EFCAB6: variants seen among roughly 807,000 people sequenced by gnomAD.
EFCAB6 encodes EF-hand calcium-binding domain-containing protein 6.
Under a neutral mutation model 169.8 loss-of-function variants are expected in EFCAB6, and 156 were observed. The ratio of observed to expected loss-of-function variants is 0.92; its 90% CI spans 0.81 to 1.05. The LOEUF (loss-of-function observed/expected upper bound fraction) is 1.05. EFCAB6 is among the 50% of genes least tolerant of loss of function. EFCAB6 has a pLI of 0.00. For synonymous variants in EFCAB6, 698 were observed against 676.4 expected (o/e 1.03, Z -0.50); for missense variants, 1,800 against 1,829.1 (o/e 0.98, Z 0.29).
chr22:43,559,183 C>T (rs189408450), intron 26 of EFCAB6, among the ~76,000 whole-genome samples: 3 of 152,220 alleles, frequency 2.0e-5, no homozygotes, highest in Admixed American at 2.0e-4. Context: ...AAAACAACCC[C>T]ATCAAAAAGT....
At chr22:43,538,652 G>A (rs2047525210) in intron 28 of EFCAB6, among the ~76,000 whole-genome samples, 1 of 152,174 alleles carries the variant, frequency 6.6e-6, no homozygotes, top group Non-Finnish European at 1.5e-5. Flanking sequence ...TTCCCAAAGT[G>A]CTGGGAGTAC....
At chr22:43,715,757 G>C (rs1485117794) in intron 9 of EFCAB6, among the ~76,000 whole-genome samples, 2 of 151,956 alleles carry the variant, frequency 1.3e-5, no homozygotes, top group Non-Finnish European at 2.9e-5. Flanking sequence ...TTTTGCAATG[G>C]TCATGTTTTT....
chr22:43,713,708 G>A (rs1045205900), intron 9 of EFCAB6, among the ~76,000 whole-genome samples: 4 of 152,118 alleles, frequency 2.6e-5, no homozygotes, highest in African/African-American at 9.7e-5. Flanking sequence ...GTTTGGGTTG[G>A]CATAAAACAG....
At chr22:43,714,586 G>A (rs1357604230) in intron 9 of EFCAB6, among the ~76,000 whole-genome samples, 2 of 151,204 alleles carry the variant, frequency 1.3e-5, no homozygotes, top group African/African-American at 4.8e-5. Context: ...CTACAAGGGG[G>A]AAAGAATTCC....
intron 18 of EFCAB6, among the ~76,000 whole-genome samples, chr22:43,633,245 C>A (rs962750389): frequency 5.3e-5 from 8 of 152,150 alleles, no homozygotes; most frequent in Admixed American, 2.6e-4. Context: ...GGAAGTGTAA[C>A]CTCTCCTTAA....
At chr22:43,793,474 CAAA>C (rs2062384600) in intron 2 of EFCAB6, among the ~76,000 whole-genome samples, 1 of 152,222 alleles carries the variant, frequency 6.6e-6, no homozygotes. Context: ...CATTATTCAG[CAAA>C]CACTGTAGGC....
chr22:43,560,847 C>T (rs761190074), intron 26 of EFCAB6, among the ~76,000 whole-genome samples: 19 of 152,162 alleles, frequency 1.2e-4, no homozygotes, highest in Non-Finnish European at 2.4e-4. Context: ...GCTGCAGCCA[C>T]GGTCCAGGTC....
chr22:43,660,229 T>C (rs1454577937), intron 17 of EFCAB6, among the ~76,000 whole-genome samples: 2 of 152,228 alleles, frequency 1.3e-5, no homozygotes, highest in Non-Finnish European at 2.9e-5. Flanking sequence ...AGCCCATGTG[T>C]CGTTGGGTAT....
intron 15 of EFCAB6, 148 bp downstream of exon 15, chr22:43,671,825 T>C: frequency 1.1e-6 from 1 of 894,700 alleles, no homozygotes; most frequent in Non-Finnish European, 1.7e-6. Context: ...TCTTAAGCAA[T>C]GTCCAGTGCT....
At chr22:43,589,421 T>G (rs2051314244) in intron 24 of EFCAB6, among the ~76,000 whole-genome samples, 2 of 151,880 alleles carry the variant, frequency 1.3e-5, no homozygotes, top group African/African-American at 2.4e-5. Flanking sequence ...GCAAAAGGAC[T>G]GCTGGTTTTA....
intron 13 of EFCAB6, among the ~76,000 whole-genome samples, chr22:43,673,949 A>G (rs1355781941): frequency 6.6e-6 from 1 of 151,008 alleles, no homozygotes; most frequent in Non-Finnish European, 1.5e-5. Flanking sequence ...CCTGGGTGAC[A>G]CAGCAAGACT....
At chr22:43,532,859 C>A (rs370937946) in intron 30 of EFCAB6, among the ~76,000 whole-genome samples, 2 of 152,232 alleles carry the variant, frequency 1.3e-5, no homozygotes, top group African/African-American at 4.8e-5. Context: ...GGGCTTTCAG[C>A]CCGACACTTC....
chr22:43,782,657 T>C (rs946124602), intron 2 of EFCAB6, among the ~76,000 whole-genome samples: 5 of 152,322 alleles, frequency 3.3e-5, no homozygotes, highest in Non-Finnish European at 4.4e-5. Flanking sequence ...CTGAGCTTTT[T>C]TGAAGTGCCT....
intron 22 of EFCAB6, among the ~76,000 whole-genome samples, chr22:43,607,269 C>T (rs553435205): frequency 6.6e-6 from 1 of 152,284 alleles, no homozygotes; most frequent in Non-Finnish European, 1.5e-5. Context: ...ATGACAGCTT[C>T]CAGCCCCCGC....
chr22:43,803,745 C>T (rs948943137), intron 2 of EFCAB6, among the ~76,000 whole-genome samples: 5 of 152,086 alleles, frequency 3.3e-5, no homozygotes, highest in Non-Finnish European at 7.4e-5. Context: ...AAATGCTTCA[C>T]TCTCGGTAAT....
Position 43,534,856 on chromosome 22 carries a change from G to T in EFCAB6, c.4065C>A (p.Phe1355Leu). Residue 1355 changes from phenylalanine to leucine, a missense_variant, in exon 30 of 32, where the codon TTC becomes TTA. Phe to Leu is a conservative substitution (Grantham distance 22, BLOSUM62 0). Coordinates refer to ENST00000262726, the MANE Select transcript of EFCAB6 (RefSeq NM_022785.4). ...ACTCCTCTTTGCTTATGTCCAGGTTGAATTTCTCCACAAGAGCTACAGAAA... is the reference window on the plus strand; with the variant it reads ...ACTCCTCTTTGCTTATGTCCAGGTTTAATTTCTCCACAAGAGCTACAGAAA... ...ASDFLALVEKFNLDISKEECQ... is the reference protein window; with the variant it reads ...ASDFLALVEKLNLDISKEECQ... The T allele has an allele frequency of 6.2e-7, 1 of 1,602,552 alleles. No individual in the cohort carries two copies. Among genetic ancestry groups the T allele is most frequent in the South Asian group, 1.1e-5 (1 of 87,950 alleles).
At chr22:43,577,304 T>C (rs2050322545) in intron 25 of EFCAB6, among the ~76,000 whole-genome samples, 1 of 152,200 alleles carries the variant, frequency 6.6e-6, no homozygotes, top group Non-Finnish European at 1.5e-5. Context: ...AAGGAAGAAT[T>C]TAGCATGCCT....
intron 17 of EFCAB6, among the ~76,000 whole-genome samples, chr22:43,642,919 A>G (rs566284232): frequency 3.9e-5 from 6 of 152,206 alleles, no homozygotes; most frequent in Non-Finnish European, 7.3e-5. Context: ...ATGAATGGTC[A>G]CAGGGCGCAG....
Position 43,738,472 on chromosome 22 carries a change from CAT to C in EFCAB6, c.508-2481_508-2480del, listed in dbSNP as rs1177237935. ...TCACATACACCATCACTCACACACA[CAT>C]ATATTCACACACACACATGCACATA... is the stretch of plus-strand genomic sequence containing the variant. On this transcript the variant is annotated intron_variant, in intron 6 of 31. Coordinates refer to ENST00000262726, the MANE Select transcript of EFCAB6 (RefSeq NM_022785.4). 5.9e-5 allele frequency among the ~76,000 whole-genome samples: 9 copies of C among 151,262 alleles called. No individual in the cohort carries two copies. In the South Asian group the frequency reaches 6.3e-4, roughly 11 times the overall value.
Sources: allele counts gnomAD v4.1 joint callset (sites outside exome capture counted in the v4.1 genomes callset), GRCh38; gene constraint gnomAD v4.1.1; transcripts MANE v1.5; gene names NCBI Gene and HGNC (gene_info 2026-07-23, HGNC 2026-07-21).